PALS2: variants seen among roughly 807,000 people sequenced by gnomAD.
PALS2 encodes protein PALS2.
Under a neutral mutation model 61.6 loss-of-function variants are expected in PALS2, and 27 were observed. That is an observed-to-expected ratio of 0.44 (90% CI 0.32 to 0.60). The LOEUF (loss-of-function observed/expected upper bound fraction) is 0.60, where lower values mean the gene tolerates loss of function less well. PALS2 is among the 20% of genes least tolerant of loss of function. PALS2 has a pLI of 0.05. For synonymous variants in PALS2, 236 were observed against 218.6 expected (o/e 1.08, Z -0.70); for missense variants, 554 against 639.4 (o/e 0.87, Z 1.44).
chr7:24,620,272 A>G (rs897931692), intron 1 of PALS2: 1 of 152,188 alleles, frequency 6.6e-6, no homozygotes, highest in Non-Finnish European at 1.5e-5. Context: ...CCCATCTCTC[A>G]TTATTTGTTA....
intron 5 of PALS2, among the ~76,000 whole-genome samples, chr7:24,658,744 AC>A (rs2128083745): frequency 6.6e-6 from 1 of 150,996 alleles, no homozygotes; most frequent in South Asian, 2.1e-4. Context: ...TTTAGTAGAG[AC>A]AGGGTTTCAT....
intron 2 of PALS2, among the ~76,000 whole-genome samples, chr7:24,626,887 C>G (rs552714965): frequency 6.6e-6 from 1 of 152,192 alleles, no homozygotes; most frequent in African/African-American, 2.4e-5. Context: ...TCTTAGAGAC[C>G]TACAGAGACT....
intron 11 of PALS2, among the ~76,000 whole-genome samples, chr7:24,684,907 G>C (rs1228188596): frequency 6.6e-6 from 1 of 151,880 alleles, no homozygotes; most frequent in East Asian, 1.9e-4. Context: ...TTAAGTTCCA[G>C]GCTTTTATTG....
intron 9 of PALS2, among the ~76,000 whole-genome samples, chr7:24,677,498 G>T (rs374436622): frequency 0.068 from 10,337 of 151,512 alleles, 426 homozygotes; most frequent in African/African-American, 0.11. Context: ...GTATGATATT[G>T]GCTGTGGGTT....
At chr7:24,605,167 A>G (rs903198907) in intron 1 of PALS2, among the ~76,000 whole-genome samples, 1 of 152,214 alleles carries the variant, frequency 6.6e-6, no homozygotes, top group African/African-American at 2.4e-5. Flanking sequence ...GATTTTCAAC[A>G]TTTTACTATT....
At chr7:24,576,582 C>T (rs1782650283) in intron 1 of PALS2, among the ~76,000 whole-genome samples, 1 of 152,128 alleles carries the variant, frequency 6.6e-6, no homozygotes, top group Admixed American at 6.5e-5. Context: ...CTAAGTATGC[C>T]TCTAACATAA....
At chr7:24,648,671 C>T (rs1369849195) in intron 3 of PALS2, among the ~76,000 whole-genome samples, 6 of 151,706 alleles carry the variant, frequency 4.0e-5, no homozygotes, top group African/African-American at 1.2e-4. Context: ...CTTGGGAGGC[C>T]GAGGTGGGCG....
chr7:24,655,630 A>ATTTTT (rs770410952), intron 5 of PALS2, among the ~76,000 whole-genome samples: 10 of 96,926 alleles, frequency 1.0e-4, no homozygotes, highest in South Asian at 4.1e-4. Flanking sequence ...TAGTTAGTAG[A>ATTTTT]TTTTTTTTTT....
At position 24,650,840 on chromosome 7, in the gene PALS2, T is replaced by C. The variant is rs886406153; in HGVS notation, c.651+128T>C. 1.7e-5 allele frequency: 11 copies of C among 662,256 alleles called. No homozygotes were observed. In the Admixed American group the frequency reaches 3.5e-4, roughly 21 times the overall value. 41.0% of individuals were successfully genotyped at this position (662,256 alleles called of 1,614,324 possible). ...AAAAATTGATTTGAGTGTTCTGAAATGGCTTATTTTGTCATGGGTGAATTT... is the reference window on the plus strand; with the variant it reads ...AAAAATTGATTTGAGTGTTCTGAAACGGCTTATTTTGTCATGGGTGAATTT... On this transcript the variant is annotated intron_variant, in intron 5 of 11. Coordinates refer to ENST00000222644, the MANE Select transcript of PALS2 (RefSeq NM_001303037.2).
intron 11 of PALS2, among the ~76,000 whole-genome samples, chr7:24,683,612 G>A (rs1167037513): frequency 6.7e-6 from 1 of 148,302 alleles, no homozygotes; most frequent in Non-Finnish European, 1.5e-5. Flanking sequence ...TACATTTTCT[G>A]TTCTAGGCCA....
rs1788290668 is a variant in PALS2, at chr7:24,687,937, C to A, written c.*323C>A. 5.4e-6 allele frequency: 1 copy of A among 184,786 alleles called. No homozygotes were observed. The highest frequency in any genetic ancestry group is 6.2e-5 in the Admixed American group (1 of 16,190). The allele number at this position is 184,786 out of a possible 1,614,324, so 11.4% of individuals were successfully genotyped here. A position where few individuals can be genotyped will look rare whatever the true frequency, so the allele number is the denominator to read the frequency against. On this transcript the variant is annotated 3_prime_UTR_variant, in exon 12 of 12. Coordinates refer to ENST00000222644, the MANE Select transcript of PALS2 (RefSeq NM_001303037.2). The surrounding 1 kb of genome is among the most constrained non-coding windows in gnomAD (Gnocchi z 4.5). ...TTTTTCATCAAAGGAATTTTCAAAT[C>A]ATTCACTCTAACATTGGTCTCATAT...
rs1788242172 is a variant in PALS2, at chr7:24,687,095, A to G, written c.1447-343A>G. Among the ~76,000 whole-genome samples, 1 of 152,206 alleles carries G rather than the reference A, an allele frequency of 6.6e-6. No homozygotes were observed. The highest frequency in any genetic ancestry group is 6.5e-5 in the Admixed American group (1 of 15,278). Reference sequence around the variant, plus strand: ...AGATAAAAATCTTTCGAAAAGGATGATATAGTGGAGCTGGAAACCAGTCAC... The same window carrying G: ...AGATAAAAATCTTTCGAAAAGGATGGTATAGTGGAGCTGGAAACCAGTCAC... On this transcript the variant is annotated intron_variant, in intron 11 of 11. Coordinates refer to ENST00000222644, the MANE Select transcript of PALS2 (RefSeq NM_001303037.2). The surrounding 1 kb of genome is among the most constrained non-coding windows in gnomAD (Gnocchi z 4.5).
rs1380733114 is a variant in PALS2, at chr7:24,692,786, C to T, written c.*5172C>T. 1 of 152,118 alleles carries T rather than the reference C, an allele frequency of 6.6e-6. No individual in the cohort carries two copies. Among genetic ancestry groups the T allele is most frequent in the Non-Finnish European group, 1.5e-5 (1 of 67,984 alleles). 9.4% of individuals were successfully genotyped at this position (152,118 alleles called of 1,614,324 possible). A position where few individuals can be genotyped will look rare whatever the true frequency, so the allele number is the denominator to read the frequency against. ...ACACCAGAAGACTCTGATCTTTGCC[C>T]CCGAAAACTGTCCTACTTTATCCTT... is the stretch of plus-strand genomic sequence containing the variant. On this transcript the variant is annotated 3_prime_UTR_variant, in exon 12 of 12. Coordinates refer to ENST00000222644, the MANE Select transcript of PALS2 (RefSeq NM_001303037.2).
At chr7:24,644,164 A>G (rs1239664525) in intron 3 of PALS2, among the ~76,000 whole-genome samples, 1 of 150,442 alleles carries the variant, frequency 6.6e-6, no homozygotes, top group Non-Finnish European at 1.5e-5. Context: ...ATAGGTAAAC[A>G]CATGTAATGG....
chr7:24,643,745 G>A (rs745437353), intron 3 of PALS2, among the ~76,000 whole-genome samples: 8 of 152,114 alleles, frequency 5.3e-5, no homozygotes, highest in Non-Finnish European at 8.8e-5. Flanking sequence ...GATTTGTTTA[G>A]TTACTTCCCT....
At position 24,586,448 on chromosome 7, in the gene PALS2, G is replaced by C. The variant is rs145500290; in HGVS notation, c.-3+12855G>C. On this transcript the variant is annotated intron_variant, in intron 1 of 11. Coordinates refer to ENST00000222644, the MANE Select transcript of PALS2 (RefSeq NM_001303037.2). ...ATAGGTCATAAGCTGGGTAAGTATG[G>C]AATAACCAAGGAAAAAAAGTAGTCC... Among the ~76,000 whole-genome samples, 829 of 152,246 alleles carry C rather than the reference G, an allele frequency of 5.4e-3. 11 individuals carry two copies. The highest frequency in any genetic ancestry group is 8.3e-3 in the Admixed American group (127 of 15,294).
intron 11 of PALS2, among the ~76,000 whole-genome samples, chr7:24,685,618 G>C (rs1788156284): frequency 7.0e-6 from 1 of 142,312 alleles, no homozygotes; most frequent in South Asian, 2.3e-4. Flanking sequence ...TGTTCCATCT[G>C]TATGGCATAC....
At position 24,691,405 on chromosome 7, in the gene PALS2, G is replaced by GTGTGTGTATA. The variant is rs1274329385; in HGVS notation, c.*3792_*3793insGTGTGTATAT. 2.6e-4 allele frequency: 29 copies of GTGTGTGTATA among 110,588 alleles called. No individual in the cohort carries two copies. Among genetic ancestry groups the GTGTGTGTATA allele is most frequent in the Admixed American group, 9.1e-4 (9 of 9,892 alleles). The allele number at this position is 110,588 out of a possible 1,614,324, so 6.9% of individuals were successfully genotyped here. Reference sequence around the variant, plus strand: ...ATATTATGTATGTGTGTGTGTGTGTGTATATATATATATATATATATATAT... The same window carrying GTGTGTGTATA: ...ATATTATGTATGTGTGTGTGTGTGTGTGTGTGTATATATATATATATATATATATATATAT... On this transcript the variant is annotated 3_prime_UTR_variant, in exon 12 of 12. Coordinates refer to ENST00000222644, the MANE Select transcript of PALS2 (RefSeq NM_001303037.2).
At chr7:24,617,030 G>GGAA (rs1784317362) in intron 1 of PALS2, among the ~76,000 whole-genome samples, 2 of 151,908 alleles carry the variant, frequency 1.3e-5, no homozygotes, top group African/African-American at 4.8e-5. Context: ...TTCTTCTTCT[G>GGAA]GAACTCTCAT....
Sources: gnomAD v4.1 joint callset for allele counts (sites outside exome capture counted in the v4.1 genomes callset) on GRCh38, gnomAD v4.1.1 for gene constraint, Gnocchi (gnomAD v3.1) non-coding constraint, MANE v1.5 for transcripts, NCBI Gene and HGNC (gene_info 2026-07-23, HGNC 2026-07-21) for gene names.